The following DTWD1 variants were observed in gnomAD, a reference collection of about 807,000 sequenced individuals.
DTWD1 encodes the protein tRNA-uridine aminocarboxypropyltransferase 1.
A neutral mutation model predicts 30.2 loss-of-function variants in DTWD1; 27 were observed. The ratio of observed to expected loss-of-function variants is 0.90; its 90% CI spans 0.66 to 1.23. The LOEUF is 1.23. Ranked by LOEUF, DTWD1 falls within the 50% of genes most tolerant of loss-of-function variation. The probability of loss-of-function intolerance (pLI) is 0.00; values close to 1 mark genes in which losing one functional copy is unlikely to be tolerated. For missense variants in DTWD1, 342 were observed against 348.8 expected (o/e 0.98, Z 0.15); for synonymous variants, 99 against 113.1 (o/e 0.88, Z 0.79).
chr15:49,621,172 G>A (rs2078692091), intron 1 of DTWD1, 50 bp downstream of exon 1: 1 of 152,284 alleles, frequency 6.6e-6, no homozygotes, highest in Non-Finnish European at 1.5e-5. Context: ...CCTCTCTGGA[G>A]ACCAGTGGTC....
In DTWD1 at chr15:49,649,078, A is replaced by C. The variant is rs1320311799; in HGVS notation, c.*5500A>C. On this transcript the variant is annotated 3_prime_UTR_variant, in exon 5 of 5. Coordinates refer to ENST00000403028, the MANE Select transcript of DTWD1 (RefSeq NM_001144955.2). ...ACATTAAGTCATTAGAGTAAAAAAA[A>C]GATGTACATTAAGGCTTATCATCAA... 1 of 152,052 alleles carries C rather than the reference A, an allele frequency of 6.6e-6. No individual in the cohort carries two copies. The highest frequency in any genetic ancestry group is 1.5e-5 in the Non-Finnish European group (1 of 68,036). The allele number at this position is 152,052 out of a possible 1,614,324, so 9.4% of individuals were successfully genotyped here. A position where few individuals can be genotyped will look rare whatever the true frequency, so the allele number is the denominator to read the frequency against.
chr15:49,630,052 A>T (rs1330312314), intron 2 of DTWD1: 1 of 152,140 alleles, frequency 6.6e-6, no homozygotes, highest in Non-Finnish European at 1.5e-5. Flanking sequence ...ACATGGAAGA[A>T]CCTCAAAATA....
Position 49,644,259 on chromosome 15 carries a change from A to G in DTWD1, c.*681A>G, listed in dbSNP as rs1198258776. ...ACCTGAAATATAGTAAGTGTTACATATATGTTTACTCTTTTTATTTTATTT... is the reference window on the plus strand; with the variant it reads ...ACCTGAAATATAGTAAGTGTTACATGTATGTTTACTCTTTTTATTTTATTT... On this transcript the variant is annotated 3_prime_UTR_variant, in exon 5 of 5. Transcript: ENST00000403028. The G allele has an allele frequency of 6.6e-6, 1 of 152,180 alleles. No individual in the cohort carries two copies. The highest frequency in any genetic ancestry group is 1.9e-4 in the East Asian group (1 of 5,190). 9.4% of individuals were successfully genotyped at this position (152,180 alleles called of 1,614,324 possible). A position where few individuals can be genotyped will look rare whatever the true frequency, so the allele number is the denominator to read the frequency against.
At chr15:49,626,852 T>A in intron 2 of DTWD1, 1 of 402,360 alleles carries the variant, frequency 2.5e-6, no homozygotes, top group Non-Finnish European at 5.2e-6. Flanking sequence ...TGGAATTTAA[T>A]ATGATCTTCA....
At position 49,625,163 on chromosome 15, in the gene DTWD1, G is replaced by A. The variant is rs556350635; in HGVS notation, c.-5G>A. ...ATAGCCGTTAAACTTTGGTTTGAAT[G>A]AAGAATGTCTCTCAATCCACCTATA... On this transcript the variant is annotated 5_prime_UTR_variant, in exon 2 of 5. The change abolishes an upstream ATG in the 5' untranslated region. Transcript: ENST00000403028. 104 of 1,611,238 alleles carry A rather than the reference G, an allele frequency of 6.5e-5. No individual in the cohort carries two copies. The South Asian group carries it at 1.1e-3, about 18-fold the overall frequency.
rs2079157271 is a variant in DTWD1, at chr15:49,652,314, A to T, written c.*8736A>T. On this transcript the variant is annotated 3_prime_UTR_variant, in exon 5 of 5. Transcript: ENST00000403028. ...GTCTGTCTAGGGAGCAGCAGCCAATAAAAGGAGTCAAGATCAGTTGACCCT... is the reference window on the plus strand; with the variant it reads ...GTCTGTCTAGGGAGCAGCAGCCAATTAAAGGAGTCAAGATCAGTTGACCCT... 1 of 152,164 alleles carries T rather than the reference A, an allele frequency of 6.6e-6. No individual in the cohort carries two copies. Among genetic ancestry groups the T allele is most frequent in the Admixed American group, 6.6e-5 (1 of 15,262 alleles). 9.4% of individuals were successfully genotyped at this position (152,164 alleles called of 1,614,324 possible). A position where few individuals can be genotyped will look rare whatever the true frequency, so the allele number is the denominator to read the frequency against.
At chr15:49,640,776 T>C (rs1365378960) in intron 4 of DTWD1, among the ~76,000 whole-genome samples, 1 of 152,124 alleles carries the variant, frequency 6.6e-6, no homozygotes, top group Non-Finnish European at 1.5e-5. Context: ...TTAATTGATT[T>C]GTAGAAATTC....
chr15:49,622,719 C>T (rs1443747269), intron 1 of DTWD1, among the ~76,000 whole-genome samples: 1 of 152,168 alleles, frequency 6.6e-6, no homozygotes, highest in Non-Finnish European at 1.5e-5. Flanking sequence ...GCTGTTGGCT[C>T]GGTTAGGACA....
In DTWD1 at chr15:49,647,658, C is replaced by G. The variant is rs907686677; in HGVS notation, c.*4080C>G. On this transcript the variant is annotated 3_prime_UTR_variant, in exon 5 of 5. Transcript: ENST00000403028. ...AAACTTTAACCAAACACTTACTGAC[C>G]CTACATTGAAGGCCACCAGCCAAAA... The G allele has an allele frequency of 6.6e-6, 1 of 151,916 alleles. No homozygotes were observed. The highest frequency in any genetic ancestry group is 2.4e-5 in the African/African-American group (1 of 41,366). 9.4% of individuals were successfully genotyped at this position (151,916 alleles called of 1,614,324 possible).
At position 49,647,157 on chromosome 15, in the gene DTWD1, C is replaced by T. The variant is rs1289071051; in HGVS notation, c.*3579C>T. 3 of 152,174 alleles carry T rather than the reference C, an allele frequency of 2.0e-5. No individual in the cohort carries two copies. Among genetic ancestry groups the T allele is most frequent in the African/African-American group, 7.2e-5 (3 of 41,452 alleles). The allele number at this position is 152,174 out of a possible 1,614,324, so 9.4% of individuals were successfully genotyped here. Reference sequence around the variant, plus strand: ...TATATCTTAAGCATATCAAGTGTCTCATTCCTCTAATCTTTCTAGGAGCCC... The same window carrying T: ...TATATCTTAAGCATATCAAGTGTCTTATTCCTCTAATCTTTCTAGGAGCCC... On this transcript the variant is annotated 3_prime_UTR_variant, in exon 5 of 5. Transcript: ENST00000403028.
intron 2 of DTWD1, chr15:49,630,829 C>G (rs1976551): frequency 0.45 from 81,238 of 180,826 alleles, 21,580 homozygotes; most frequent in Non-Finnish European, 0.6. Context: ...TACAGCCGCT[C>G]CCCATCACTC....
intron 4 of DTWD1, 93 bp downstream of exon 4, chr15:49,634,887 T>C: frequency 8.3e-7 from 1 of 1,208,678 alleles, no homozygotes; most frequent in East Asian, 2.4e-5. Context: ...GGAGTTACAC[T>C]GAATACCTAT....
chr15:49,639,178 C>T (rs2079036712), intron 4 of DTWD1, among the ~76,000 whole-genome samples: 1 of 152,176 alleles, frequency 6.6e-6, no homozygotes, highest in Non-Finnish European at 1.5e-5. Context: ...ATGTCACCCT[C>T]ACTTTGCAAT....
chr15:49,626,732 T>C (rs1393112312), intron 2 of DTWD1: 6 of 441,454 alleles, frequency 1.4e-5, no homozygotes, highest in Non-Finnish European at 2.3e-5. Context: ...TCATATTTTA[T>C]TTGAATTTCA....
rs567871545 is a variant in DTWD1, at chr15:49,624,868, C to T, written c.-55-245C>T. Among the ~76,000 whole-genome samples the T allele has an allele frequency of 5.3e-5, 8 of 152,242 alleles. No homozygotes were observed. The South Asian group carries it at 1.7e-3, about 32-fold the overall frequency. On this transcript the variant is annotated intron_variant, in intron 1 of 4. Coordinates refer to ENST00000403028, the MANE Select transcript of DTWD1 (RefSeq NM_001144955.2). ...AATATCTGGAAAACAAAACTGCCAT[C>T]TCTGGAACAAAAAAGGGTTCTTGAA...
chr15:49,649,917 A>G lies in DTWD1; in HGVS notation c.*6339A>G, dbSNP rs2079142974. 1 of 152,156 alleles carries G rather than the reference A, an allele frequency of 6.6e-6. No homozygotes were observed. The highest frequency in any genetic ancestry group is 2.4e-5 in the African/African-American group (1 of 41,438). The allele number at this position is 152,156 out of a possible 1,614,324, so 9.4% of individuals were successfully genotyped here. A position where few individuals can be genotyped will look rare whatever the true frequency, so the allele number is the denominator to read the frequency against. ...GAAAATAAAGCAGAGTAAGGAACTG[A>G]TAGTGACTGGTGCAGGAAAGGGGTG... On this transcript the variant is annotated 3_prime_UTR_variant, in exon 5 of 5. Coordinates refer to ENST00000403028, the MANE Select transcript of DTWD1 (RefSeq NM_001144955.2).
chr15:49,623,389 C>T (rs2078795335), intron 1 of DTWD1, among the ~76,000 whole-genome samples: 1 of 151,920 alleles, frequency 6.6e-6, no homozygotes, highest in African/African-American at 2.4e-5. Context: ...GCATTTGCAA[C>T]TCTCATTTCT....
At position 49,647,766 on chromosome 15, in the gene DTWD1, A is replaced by G. The variant is rs566708686; in HGVS notation, c.*4188A>G. 3 of 152,242 alleles carry G rather than the reference A, an allele frequency of 2.0e-5. No homozygotes were observed. In the East Asian group the frequency reaches 5.8e-4, roughly 29 times the overall value. 9.4% of individuals were successfully genotyped at this position (152,242 alleles called of 1,614,324 possible). A position where few individuals can be genotyped will look rare whatever the true frequency, so the allele number is the denominator to read the frequency against. On this transcript the variant is annotated 3_prime_UTR_variant, in exon 5 of 5. Coordinates refer to ENST00000403028, the MANE Select transcript of DTWD1 (RefSeq NM_001144955.2). ...TATAAAAGGGGAAAAGGAGGGGAGA[A>G]AATCCAAAGGAAATAGACAAACGGA...
chr15:49,625,918 AG>A (rs2078838080), intron 2 of DTWD1, among the ~76,000 whole-genome samples: 1 of 152,138 alleles, frequency 6.6e-6, no homozygotes, highest in Non-Finnish European at 1.5e-5. Context: ...CGAGAGTACA[AG>A]GAGCTTGGGC....
Sources: gnomAD v4.1 joint callset for allele counts (sites outside exome capture counted in the v4.1 genomes callset) on GRCh38, gnomAD v4.1.1 for gene constraint, MANE v1.5 for transcripts, NCBI Gene and HGNC (gene_info 2026-07-23, HGNC 2026-07-21) for gene names.